The following ATP10B variants were observed in gnomAD, a reference collection of about 807,000 sequenced individuals.
ATP10B encodes the protein phospholipid-transporting ATPase VB.
ATP10B carries 122 observed loss-of-function variants against 141.2 expected under a neutral mutation model. That is an observed-to-expected ratio of 0.86 (90% CI 0.75 to 1.00). The LOEUF is 1.00. ATP10B is among the 50% of genes least tolerant of loss of function. ATP10B has a pLI of 0.00. For missense variants in ATP10B, 1,876 were observed against 1,825.3 expected (o/e 1.03, Z -0.51); for synonymous variants, 685 against 692.0 (o/e 0.99, Z 0.16).
intron 9 of ATP10B, among the ~76,000 whole-genome samples, chr5:160,642,266 C>A (rs1460067984): frequency 6.6e-6 from 1 of 152,124 alleles, no homozygotes; most frequent in Non-Finnish European, 1.5e-5. Context: ...GAAAATAAAT[C>A]AATACACACA....
intron 2 of ATP10B, among the ~76,000 whole-genome samples, chr5:160,737,244 G>A (rs1301478114): frequency 6.6e-6 from 1 of 152,092 alleles, no homozygotes; most frequent in Non-Finnish European, 1.5e-5. Flanking sequence ...TGTATAGAGG[G>A]AACATACCTC....
chr5:160,839,848 T>C (rs1165841216), intron 1 of ATP10B, among the ~76,000 whole-genome samples: 2 of 152,042 alleles, frequency 1.3e-5, no homozygotes, highest in Non-Finnish European at 2.9e-5. Flanking sequence ...AATCCTCATA[T>C]TGGACAAAGT....
chr5:160,773,477 G>A (rs1276242025), intron 2 of ATP10B, among the ~76,000 whole-genome samples: 2 of 152,138 alleles, frequency 1.3e-5, no homozygotes, highest in African/African-American at 4.8e-5. Flanking sequence ...ATTTCCAGCT[G>A]TGTTGGAATG....
intron 2 of ATP10B, among the ~76,000 whole-genome samples, chr5:160,769,735 G>A (rs1769740493): frequency 6.6e-6 from 1 of 152,208 alleles, no homozygotes; most frequent in Non-Finnish European, 1.5e-5. Flanking sequence ...TCATTCTCTT[G>A]TTCAACATCA....
intron 7 of ATP10B, among the ~76,000 whole-genome samples, chr5:160,650,628 G>T (rs1417330976): frequency 6.6e-6 from 1 of 152,170 alleles, no homozygotes; most frequent in East Asian, 1.9e-4. Context: ...GACTCATTTA[G>T]ATTAATTAAA....
chr5:160,652,655 T>A (rs1178327276), intron 7 of ATP10B, among the ~76,000 whole-genome samples: 2 of 134,722 alleles, frequency 1.5e-5, no homozygotes. Flanking sequence ...AAATTATATA[T>A]GTATATATTA....
At chr5:160,745,961 C>CT (rs1767780533) in intron 2 of ATP10B, among the ~76,000 whole-genome samples, 1 of 152,242 alleles carries the variant, frequency 6.6e-6, no homozygotes, top group Non-Finnish European at 1.5e-5. Context: ...ACTTAAAACT[C>CT]TAGAATCCAG....
chr5:160,600,236 C>T (rs1757026658), intron 21 of ATP10B, among the ~76,000 whole-genome samples: 3 of 152,178 alleles, frequency 2.0e-5, no homozygotes, highest in Admixed American at 1.3e-4. Context: ...GCCCACTCTA[C>T]AGATGAAGAA....
At chr5:160,928,723 C>T in the ATP10B span, among the ~76,000 whole-genome samples, 2 of 152,196 alleles carry the variant, frequency 1.3e-5, no homozygotes, top group African/African-American at 4.8e-5. Flanking sequence ...AACTCTCTCC[C>T]TCTCTTCCCC....
At chr5:160,832,687 A>G (rs1775172888) in intron 1 of ATP10B, among the ~76,000 whole-genome samples, 1 of 152,078 alleles carries the variant, frequency 6.6e-6, no homozygotes, top group African/African-American at 2.4e-5. Flanking sequence ...AAGCCACACG[A>G]TTATACTCTA....
chr5:160,828,057 A>T (rs1183487268), intron 1 of ATP10B, among the ~76,000 whole-genome samples: 2 of 152,222 alleles, frequency 1.3e-5, no homozygotes, highest in Non-Finnish European at 2.9e-5. Context: ...ACAAAAATTA[A>T]TTCAAGATGG....
chr5:160,763,589 A>C (rs71603681), intron 2 of ATP10B, among the ~76,000 whole-genome samples: 48,013 of 152,006 alleles, frequency 0.32, 7,922 homozygotes, highest in Non-Finnish European at 0.36. Flanking sequence ...TCATAACATT[A>C]AATGCCTACT....
At chr5:160,873,922 T>C in the ATP10B span, among the ~76,000 whole-genome samples, 1 of 152,220 alleles carries the variant, frequency 6.6e-6, no homozygotes, top group East Asian at 1.9e-4. Flanking sequence ...CACAGCAGTC[T>C]GAGATCAAAC....
intron 1 of ATP10B, among the ~76,000 whole-genome samples, chr5:160,817,480 G>A (rs548014374): frequency 2.5e-4 from 38 of 152,062 alleles, no homozygotes; most frequent in African/African-American, 6.0e-4. Flanking sequence ...TACAAACCAC[G>A]GCTCAATGAA....
rs137873628 is a variant in ATP10B at position 160,795,516 on chromosome 5, G to T, written c.-575-9713C>A. ...CAGGATAGTCACAATGAATAGGGGT[G>T]AGAATAGTGGCCCCTAAAGAGATAT... On this transcript the variant is annotated intron_variant, in intron 1 of 25. Coordinates refer to ENST00000327245, the MANE Select transcript of ATP10B (RefSeq NM_025153.3). 3.5e-3 allele frequency among the ~76,000 whole-genome samples: 540 copies of T among 152,182 alleles called. 1 individual carries two copies. Among genetic ancestry groups the T allele is most frequent in the East Asian group, 7.0e-3 (36 of 5,164 alleles).
At chr5:160,757,540 A>G (rs1440656684) in intron 2 of ATP10B, among the ~76,000 whole-genome samples, 2 of 152,222 alleles carry the variant, frequency 1.3e-5, no homozygotes, top group Non-Finnish European at 2.9e-5. Flanking sequence ...TGATATAATT[A>G]GAAGATAATT....
chr5:160,734,409 T>C (rs1268260442), intron 2 of ATP10B, among the ~76,000 whole-genome samples: 1 of 152,108 alleles, frequency 6.6e-6, no homozygotes, highest in Admixed American at 6.5e-5. Flanking sequence ...GGGGTTTTTA[T>C]GTAAGTAAAT....
At chr5:160,721,993 T>C (rs1766030103) in intron 2 of ATP10B, among the ~76,000 whole-genome samples, 1 of 152,158 alleles carries the variant, frequency 6.6e-6, no homozygotes, top group South Asian at 2.1e-4. Context: ...ATTACCTTCT[T>C]TGTGTGGGGA....
At chr5:160,832,045 T>C (rs1327350303) in intron 1 of ATP10B, among the ~76,000 whole-genome samples, 1 of 152,120 alleles carries the variant, frequency 6.6e-6, no homozygotes, top group Non-Finnish European at 1.5e-5. Flanking sequence ...TCTTAGGCCT[T>C]TGTTCAAGGG....
Sources: allele counts gnomAD v4.1 joint callset (sites outside exome capture counted in the v4.1 genomes callset), GRCh38; gene constraint gnomAD v4.1.1; transcripts MANE v1.5; gene names NCBI Gene and HGNC (gene_info 2026-07-23, HGNC 2026-07-21).